HDAC8: variants seen among roughly 807,000 people sequenced by gnomAD.
HDAC8 encodes the protein histone deacetylase 8.
Under a neutral mutation model 32.2 loss-of-function variants are expected in HDAC8, and 1 was observed. That is an observed-to-expected ratio of 0.03 (90% CI 0.01 to 0.15). The LOEUF (loss-of-function observed/expected upper bound fraction) is 0.15, where lower values mean the gene tolerates loss of function less well. HDAC8 is among the 10% of genes least tolerant of loss of function. HDAC8 has a pLI of 1.00. For missense variants in HDAC8, 117 were observed against 300.0 expected, an observed-to-expected ratio of 0.39 and a Z score of 4.51; for synonymous variants, 108 against 113.9, an observed-to-expected ratio of 0.95 and a Z score of 0.33.
intron 9 of HDAC8, among the ~76,000 whole-genome samples, chrX:72,439,072 G>A (rs1173934159): frequency 9.0e-6 from 1 of 111,481 alleles, no homozygotes; most frequent in Non-Finnish European, 1.9e-5. Flanking sequence ...GAGAAAGGTC[G>A]GGTTACCCAC....
intron 9 of HDAC8, among the ~76,000 whole-genome samples, chrX:72,358,722 C>T (rs782094697): frequency 8.9e-6 from 1 of 112,463 alleles, no homozygotes; most frequent in Admixed American, 9.4e-5. Flanking sequence ...CAGCAGTCCC[C>T]AACCTTTTTG....
chrX:72,476,591 G>T lies in HDAC8; in HGVS notation c.738-11860C>A, dbSNP rs781845201. On this transcript the variant is annotated intron_variant, in intron 7 of 10. Coordinates refer to ENST00000373573, the MANE Select transcript of HDAC8 (RefSeq NM_018486.3). ...GAATGCTGAATTTGGAGTCAGATAA[G>T]GTTGGATTCAGTGTTTGTATAGCAA... 3.6e-5 allele frequency among the ~76,000 whole-genome samples: 4 copies of T among 111,437 alleles called. No homozygotes were observed. The East Asian group carries it at 1.1e-3, about 31-fold the overall frequency.
At chrX:72,395,634 C>G (rs1029611958) in intron 9 of HDAC8, among the ~76,000 whole-genome samples, 1 of 111,991 alleles carries the variant, frequency 8.9e-6, no homozygotes, top group African/African-American at 3.2e-5. Flanking sequence ...CCTCAAAATG[C>G]GTACGCAAGG....
At position 72,534,542 on chromosome X, in the gene HDAC8, C is replaced by T. The variant is rs369225654; in HGVS notation, c.437+33347G>A. ...CAGGCTGGTCTTGAATTCCTGACCGCAAGTGATCCTACTGCTTGGGCCTCC... is the reference window on the plus strand; with the variant it reads ...CAGGCTGGTCTTGAATTCCTGACCGTAAGTGATCCTACTGCTTGGGCCTCC... On this transcript the variant is annotated intron_variant, in intron 4 of 10. Transcript: ENST00000373573. 4.2e-4 allele frequency among the ~76,000 whole-genome samples: 46 copies of T among 110,742 alleles called. 1 individual carries two copies. The highest frequency in any genetic ancestry group is 7.7e-4 in the Non-Finnish European group (41 of 52,975).
At chrX:72,563,920 G>A (rs1556127324) in intron 4 of HDAC8, among the ~76,000 whole-genome samples, 9 of 111,482 alleles carry the variant, frequency 8.1e-5, no homozygotes, top group Non-Finnish European at 1.9e-5. Context: ...CCAGCACCTT[G>A]GGAGGCCGAG....
At chrX:72,426,016 C>A (rs782422545) in intron 9 of HDAC8, among the ~76,000 whole-genome samples, 1 of 112,152 alleles carries the variant, frequency 8.9e-6, no homozygotes, top group East Asian at 2.8e-4. Context: ...CCTCACTGGA[C>A]AGATCCCTCT....
intron 9 of HDAC8, among the ~76,000 whole-genome samples, chrX:72,364,897 AT>A (rs1278330999): frequency 2.7e-5 from 3 of 111,249 alleles, no homozygotes; most frequent in African/African-American, 6.5e-5. Flanking sequence ...ATGAGCAATG[AT>A]TTTTTTTCCT....
intron 9 of HDAC8, among the ~76,000 whole-genome samples, chrX:72,361,939 G>T (rs965190345): frequency 8.9e-6 from 1 of 111,837 alleles, no homozygotes; most frequent in African/African-American, 3.3e-5. Context: ...ACAGTTAAGA[G>T]ATATGAACTT....
At chrX:72,510,315 A>G (rs782271435) in intron 4 of HDAC8, among the ~76,000 whole-genome samples, 2 of 112,284 alleles carry the variant, frequency 1.8e-5, no homozygotes, top group African/African-American at 6.5e-5. Context: ...AATGTTACCT[A>G]GGAAATAAAT....
At chrX:72,476,545 C>T (rs1281004378) in intron 7 of HDAC8, among the ~76,000 whole-genome samples, 3 of 111,224 alleles carry the variant, frequency 2.7e-5, no homozygotes, top group African/African-American at 9.8e-5. Context: ...TTTGCAACCC[C>T]TACAGCACTC....
At chrX:72,446,660 A>C (rs2047410807) in intron 9 of HDAC8, among the ~76,000 whole-genome samples, 1 of 110,605 alleles carries the variant, frequency 9.0e-6, no homozygotes, top group African/African-American at 3.3e-5. Context: ...CATTGTGCAC[A>C]TGTACCCTAA....
intron 9 of HDAC8, among the ~76,000 whole-genome samples, chrX:72,364,542 T>G (rs1274921528): frequency 1.8e-5 from 2 of 112,295 alleles, no homozygotes; most frequent in East Asian, 2.8e-4. Flanking sequence ...AAGAGAATGC[T>G]CATCATCTTT....
chrX:72,410,247 G>A (rs944325997), intron 9 of HDAC8, among the ~76,000 whole-genome samples: 6 of 110,913 alleles, frequency 5.4e-5, no homozygotes, highest in African/African-American at 2.0e-4. Flanking sequence ...TTGCTGAAGG[G>A]TGATTGGAAA....
chrX:72,505,166 G>A (rs1051096746), intron 4 of HDAC8, among the ~76,000 whole-genome samples: 1 of 109,759 alleles, frequency 9.1e-6, no homozygotes, highest in African/African-American at 3.3e-5. Flanking sequence ...TATATGATTT[G>A]CACATATTTT....
At chrX:72,571,553 C>CTTTTTTTTTTTTTTT (rs782331910) in intron 2 of HDAC8, among the ~76,000 whole-genome samples, 3 of 30,445 alleles carry the variant, frequency 9.9e-5, no homozygotes, top group East Asian at 1.4e-3. Context: ...TTCTTTCTTT[C>CTTTTTTTTTTTTTTT]TTTTTTTTTT....
At chrX:72,350,684 C>T (rs1034609953) in intron 10 of HDAC8, among the ~76,000 whole-genome samples, 10 of 112,173 alleles carry the variant, frequency 8.9e-5, no homozygotes, top group Non-Finnish European at 5.6e-5. Context: ...GCCAAAAATA[C>T]GTAATGCGAA....
At position 72,353,050 on chromosome X, in the gene HDAC8, A is replaced by G. The variant is rs781814901; in HGVS notation, c.1006-1212T>C. 4.5e-5 allele frequency among the ~76,000 whole-genome samples: 5 copies of G among 112,334 alleles called. No individual in the cohort carries two copies. In the South Asian group the frequency reaches 1.1e-3, roughly 25 times the overall value. Reference sequence around the variant, plus strand: ...ATTCCATGAAAACAAAATGGTACAGAGGGCATGAAAAAAGGATCTTGATAT... The same window carrying G: ...ATTCCATGAAAACAAAATGGTACAGGGGGCATGAAAAAAGGATCTTGATAT... On this transcript the variant is annotated intron_variant, in intron 9 of 10. Transcript: ENST00000373573.
At chrX:72,424,417 T>G (rs782638350) in intron 9 of HDAC8, among the ~76,000 whole-genome samples, 1 of 111,709 alleles carries the variant, frequency 9.0e-6, no homozygotes, top group Non-Finnish European at 1.9e-5. Context: ...CATATTTTTC[T>G]TCTCTTTTCT....
At chrX:72,374,939 C>A (rs1487902803) in intron 9 of HDAC8, among the ~76,000 whole-genome samples, 1 of 109,438 alleles carries the variant, frequency 9.1e-6, no homozygotes, top group Non-Finnish European at 1.9e-5. Context: ...CCACCTACTG[C>A]CTCCCAAGTA....
Sources: allele counts gnomAD v4.1 joint callset (sites outside exome capture counted in the v4.1 genomes callset), GRCh38; gene constraint gnomAD v4.1.1; transcripts MANE v1.5; gene names NCBI Gene and HGNC (gene_info 2026-07-23, HGNC 2026-07-21).